The following ZNF490 variants were observed in gnomAD, a reference collection of about 807,000 sequenced individuals.
ZNF490 encodes zinc finger protein 490.
In ZNF490, 11 loss-of-function variants were observed where a neutral mutation model predicts 17.7. The observed-to-expected ratio is 0.62, with a 90% CI of 0.39 to 1.03. The LOEUF is 1.03. ZNF490 is among the 50% of genes least tolerant of loss of function. The pLI, the probability that ZNF490 is intolerant of heterozygous loss-of-function variation, is 0.00. For missense variants in ZNF490, 542 were observed against 643.4 expected, an observed-to-expected ratio of 0.84 and a Z score of 1.71; for synonymous variants, 222 against 216.1, an observed-to-expected ratio of 1.03 and a Z score of -0.24.
chr19:12,577,511 G>T lies in ZNF490; in HGVS notation c.*2974C>A, dbSNP rs559483737. 1 of 580,466 alleles carries T rather than the reference G, an allele frequency of 1.7e-6. No homozygotes were observed. The highest frequency in any genetic ancestry group is 3.5e-4 in the East Asian group (1 of 2,844). The allele number at this position is 580,466 out of a possible 1,614,324, so 36.0% of individuals were successfully genotyped here. A position where few individuals can be genotyped will look rare whatever the true frequency, so the allele number is the denominator to read the frequency against. Reference sequence around the variant, plus strand: ...TCCAACCCCTCATACTACCATAAATGTTCCTGGTGAGAGAAGCGAATGTTC... The same window carrying T: ...TCCAACCCCTCATACTACCATAAATTTTCCTGGTGAGAGAAGCGAATGTTC... On this transcript the variant is annotated 3_prime_UTR_variant, in exon 5 of 5. Transcript: ENST00000311437.
Position 12,606,042 on chromosome 19 carries a change from C to T in ZNF490, c.162+3116G>A, listed in dbSNP as rs184055237. ...ATTACAGGCATGTGCCACCACGTCC[C>T]GCTAATTTTGTATTTTTAGTAGAAA... On this transcript the variant is annotated intron_variant, in intron 2 of 4. Coordinates refer to ENST00000311437, the MANE Select transcript of ZNF490 (RefSeq NM_020714.3). Among the ~76,000 whole-genome samples the T allele has an allele frequency of 4.6e-3, 704 of 151,916 alleles. 4 individuals carry two copies. Among genetic ancestry groups the T allele is most frequent in the African/African-American group, 0.016 (648 of 41,414 alleles).
rs1453710838 is a variant in ZNF490 at position 12,585,483 on chromosome 19, CAA to C, written c.163-1929_163-1928del. The stretch of plus-strand genomic sequence containing the variant: ...CTTTCCAGTAGTCATTTATTTACAA[CAA>C]GAGAGGGTCCATTACCCTTATCACT... On this transcript the variant is annotated intron_variant, in intron 2 of 4. Transcript: ENST00000311437. Among the ~76,000 whole-genome samples, 4 of 92,910 alleles carry C rather than the reference CAA, an allele frequency of 4.3e-5. 1 individual carries two copies. Among genetic ancestry groups the C allele is most frequent in the South Asian group, 2.9e-4 (1 of 3,486 alleles). 61.0% of individuals were successfully genotyped at this position (92,910 alleles called of 152,430 possible).
In ZNF490 at chr19:12,581,367, G is replaced by A; in HGVS notation, c.708C>T (p.Ser236=). ...ECGKAFAFLF[S]FRNHIRIHTG... ...TATGAATTCTTATATGGTTTCGAAAGGAAAAGAGAAATGCGAAGGCTTTGC... is the reference window on the plus strand; with the variant it reads ...TATGAATTCTTATATGGTTTCGAAAAGAAAAGAGAAATGCGAAGGCTTTGC... The change falls in exon 5 of 5, where the codon TCC becomes TCT. Residue 236 remains serine (S), a synonymous_variant. Coordinates refer to ENST00000311437, the MANE Select transcript of ZNF490 (RefSeq NM_020714.3). 1 of 1,613,788 alleles carries A rather than the reference G, an allele frequency of 6.2e-7. No individual in the cohort carries two copies. Among genetic ancestry groups the A allele is most frequent in the Admixed American group, 1.7e-5 (1 of 59,968 alleles).
Position 12,581,313 on chromosome 19 carries a change from T to C in ZNF490, c.762A>G (p.Glu254=). ...TGAGATATCTGAATGCCTTCCCACA[T>C]TCCTTACATTCATAGGGTGTCTCTC... ...HTGETPYECK[E]CGKAFRYLTA... Residue 254 remains glutamate (E), a synonymous_variant, in exon 5 of 5, where the codon GAA becomes GAG. Transcript: ENST00000311437. The C allele has an allele frequency of 6.2e-7, 1 of 1,614,186 alleles. No homozygotes were observed. Among genetic ancestry groups the C allele is most frequent in the South Asian group, 1.1e-5 (1 of 91,078 alleles).
intron 2 of ZNF490, among the ~76,000 whole-genome samples, chr19:12,603,105 A>G (rs149829783): frequency 6.6e-6 from 1 of 152,174 alleles, no homozygotes; most frequent in Non-Finnish European, 1.5e-5. Flanking sequence ...GAAAGTTGTG[A>G]TATTGTGAAA....
At chr19:12,609,560 A>C (rs187060416) in intron 1 of ZNF490, among the ~76,000 whole-genome samples, 1 of 152,138 alleles carries the variant, frequency 6.6e-6, no homozygotes, top group Non-Finnish European at 1.5e-5. Context: ...ATTTTTAAAA[A>C]TTTTTTGAGA....
chr19:12,583,008 ACTGT>A, intron 3 of ZNF490, 98 bp from the exon 4 acceptor site: 1 of 984,982 alleles, frequency 1.0e-6, no homozygotes, highest in Non-Finnish European at 1.5e-6. Context: ...TAGCTATGAC[ACTGT>A]CTGATCTACT....
rs905220270 is a variant in ZNF490 at position 12,578,522 on chromosome 19, G to A, written c.*1963C>T. 2.0e-6 allele frequency: 2 copies of A among 985,470 alleles called. No individual in the cohort carries two copies. The highest frequency in any genetic ancestry group is 2.4e-6 in the Non-Finnish European group (2 of 829,952). The allele number at this position is 985,470 out of a possible 1,614,324, so 61.0% of individuals were successfully genotyped here. A position where few individuals can be genotyped will look rare whatever the true frequency, so the allele number is the denominator to read the frequency against. On this transcript the variant is annotated 3_prime_UTR_variant, in exon 5 of 5. Transcript: ENST00000311437. ...ACAAGTGTCCAAAGTGTAGGTTTGA[G>A]ATGGGAAATGGAGCTGGAGATGACC...
intron 2 of ZNF490, among the ~76,000 whole-genome samples, chr19:12,607,505 C>T (rs1183905800): frequency 2.0e-5 from 3 of 151,860 alleles, no homozygotes; most frequent in East Asian, 3.9e-4. Context: ...GGTGACAGAA[C>T]ATAATAGTAA....
rs2022656764 is a variant in ZNF490, at chr19:12,577,372, T to C, written c.*3113A>G. 1 of 934,264 alleles carries C rather than the reference T, an allele frequency of 1.1e-6. No homozygotes were observed. The highest frequency in any genetic ancestry group is 4.9e-5 in the South Asian group (1 of 20,304). 57.9% of individuals were successfully genotyped at this position (934,264 alleles called of 1,614,324 possible). On this transcript the variant is annotated 3_prime_UTR_variant, in exon 5 of 5. Coordinates refer to ENST00000311437, the MANE Select transcript of ZNF490 (RefSeq NM_020714.3). ...TGGCTCCTTGAGCCCATTCTGACAGTGAAGGAATCTCGAACTTCCTGACCT... is the reference window on the plus strand; with the variant it reads ...TGGCTCCTTGAGCCCATTCTGACAGCGAAGGAATCTCGAACTTCCTGACCT...
chr19:12,583,996 G>A (rs2022783616), intron 2 of ZNF490, among the ~76,000 whole-genome samples: 1 of 150,856 alleles, frequency 6.6e-6, no homozygotes, highest in Non-Finnish European at 1.5e-5. Flanking sequence ...ATTTTTAGTA[G>A]AGACAGAGTT....
chr19:12,594,944 A>G (rs1372201000), intron 2 of ZNF490, among the ~76,000 whole-genome samples: 1 of 152,164 alleles, frequency 6.6e-6, no homozygotes, highest in African/African-American at 2.4e-5. Context: ...CATTACAGAG[A>G]TGTTAAAATT....
At chr19:12,597,149 C>T (rs1418629846) in intron 2 of ZNF490, 3 of 462,168 alleles carry the variant, frequency 6.5e-6, no homozygotes, top group South Asian at 4.6e-5. Flanking sequence ...GCACACTCAC[C>T]ATTTCTCGGC....
In ZNF490 at chr19:12,580,022, G is replaced by C. The variant is rs1192926431; in HGVS notation, c.*463C>G. The C allele has an allele frequency of 2.4e-6, 1 of 424,042 alleles. No homozygotes were observed. Among genetic ancestry groups the C allele is most frequent in the East Asian group, 1.6e-4 (1 of 6,242 alleles). 26.3% of individuals were successfully genotyped at this position (424,042 alleles called of 1,614,324 possible). On this transcript the variant is annotated 3_prime_UTR_variant, in exon 5 of 5. Coordinates refer to ENST00000311437, the MANE Select transcript of ZNF490 (RefSeq NM_020714.3). ...CTTGGGAGGCTGCGGCAGGAGAATTGCTTGAATCCGGGAGGCGGAGGTTGC... is the reference window on the plus strand; with the variant it reads ...CTTGGGAGGCTGCGGCAGGAGAATTCCTTGAATCCGGGAGGCGGAGGTTGC...
rs563542244 is a variant in ZNF490, at chr19:12,579,273, G to C, written c.*1212C>G. On this transcript the variant is annotated 3_prime_UTR_variant, in exon 5 of 5. Coordinates refer to ENST00000311437, the MANE Select transcript of ZNF490 (RefSeq NM_020714.3). ...AAAAAAAAAAAAAGAACTGGGGGCC[G>C]GGTGTGGTGGCTCACGCCTGTAATC... The C allele has an allele frequency of 6.6e-6, 1 of 151,422 alleles. No homozygotes were observed. Among genetic ancestry groups the C allele is most frequent in the Non-Finnish European group, 1.5e-5 (1 of 68,072 alleles). 9.4% of individuals were successfully genotyped at this position (151,422 alleles called of 1,614,324 possible).
At chr19:12,603,462 T>C (rs921256947) in intron 2 of ZNF490, among the ~76,000 whole-genome samples, 1 of 151,920 alleles carries the variant, frequency 6.6e-6, no homozygotes, top group South Asian at 2.1e-4. Context: ...CACTCCAGCC[T>C]AGGTGACAGA....
chr19:12,595,606 A>G (rs1440203929), intron 2 of ZNF490, among the ~76,000 whole-genome samples: 1 of 151,980 alleles, frequency 6.6e-6, no homozygotes, highest in Non-Finnish European at 1.5e-5. Flanking sequence ...TTTCCTCCAG[A>G]AAACCTCAAA....
At chr19:12,610,037 C>A (rs2023126306) in intron 1 of ZNF490, 1 of 429,134 alleles carries the variant, frequency 2.3e-6, no homozygotes, top group Admixed American at 2.9e-5. Flanking sequence ...AACAAACAAA[C>A]AAAAAAACAA....
At chr19:12,606,945 T>C (rs1206149502) in intron 2 of ZNF490, among the ~76,000 whole-genome samples, 2 of 152,206 alleles carry the variant, frequency 1.3e-5, no homozygotes, top group African/African-American at 4.8e-5. Flanking sequence ...TCATTAGTAT[T>C]TCATTTGATT....
Sources: allele counts gnomAD v4.1 joint callset (sites outside exome capture counted in the v4.1 genomes callset), GRCh38; gene constraint gnomAD v4.1.1; transcripts MANE v1.5; gene names NCBI Gene and HGNC (gene_info 2026-07-23, HGNC 2026-07-21).